Variants in RAPGEF4 observed in about 807,000 individuals in gnomAD.
RAPGEF4 encodes the protein RAP guanine-nucleotide-exchange factor (GEF) 4.
RAPGEF4 carries 66 observed loss-of-function variants against 147.9 expected under a neutral mutation model. That is an observed-to-expected ratio of 0.45 (90% CI 0.37 to 0.55). The LOEUF is 0.55. RAPGEF4 is among the 20% of genes least tolerant of loss of function. The pLI is 0.00. For synonymous variants in RAPGEF4, 419 were observed against 442.7 expected, an observed-to-expected ratio of 0.95 and a Z score of 0.67; for missense variants, 1,071 against 1,257.3, an observed-to-expected ratio of 0.85 and a Z score of 2.24.
chr2:172,867,617 C>A (rs1034371002), intron 4 of RAPGEF4, among the ~76,000 whole-genome samples: 1 of 152,166 alleles, frequency 6.6e-6, no homozygotes, highest in Non-Finnish European at 1.5e-5. Flanking sequence ...TTGGAAGACT[C>A]CATCTAATTT....
intron 6 of RAPGEF4, among the ~76,000 whole-genome samples, chr2:172,948,929 C>G (rs1225932773): frequency 6.6e-6 from 1 of 152,138 alleles, no homozygotes; most frequent in Non-Finnish European, 1.5e-5. Context: ...TATAACAAAC[C>G]TGCATATGTA....
chr2:172,951,417 G>T (rs969454793), intron 6 of RAPGEF4, among the ~76,000 whole-genome samples: 5 of 152,196 alleles, frequency 3.3e-5, no homozygotes, highest in African/African-American at 9.7e-5. Context: ...CCAAGAGCTG[G>T]GGTAGAACAG....
At chr2:172,857,685 C>A (rs961722874) in intron 4 of RAPGEF4, among the ~76,000 whole-genome samples, 1 of 151,672 alleles carries the variant, frequency 6.6e-6, no homozygotes, top group Non-Finnish European at 1.5e-5. Flanking sequence ...AGTTTGAGAC[C>A]AGCCTGCGAA....
At chr2:173,044,294 G>A (rs1685158206) in intron 29 of RAPGEF4, among the ~76,000 whole-genome samples, 1 of 151,716 alleles carries the variant, frequency 6.6e-6, no homozygotes, top group African/African-American at 2.4e-5. Flanking sequence ...GGTGAGTATT[G>A]TCTTATGCAA....
chr2:172,889,336 A>G (rs1697615823), intron 4 of RAPGEF4, among the ~76,000 whole-genome samples: 6 of 152,180 alleles, frequency 3.9e-5, no homozygotes, highest in Admixed American at 3.9e-4. Context: ...TTCATTGTTC[A>G]GGCTTTGACA....
intron 4 of RAPGEF4, among the ~76,000 whole-genome samples, chr2:172,818,776 G>T (rs193268967): frequency 2.2e-4 from 34 of 152,270 alleles, no homozygotes; most frequent in African/African-American, 7.9e-4. Flanking sequence ...TTACACTTGG[G>T]ACTGTAATGG....
chr2:172,796,638 C>T (rs753228770), intron 2 of RAPGEF4, among the ~76,000 whole-genome samples: 17 of 152,098 alleles, frequency 1.1e-4, no homozygotes, highest in Non-Finnish European at 1.8e-4. Context: ...CTGCCCACCT[C>T]AACCTCCTGA....
intron 17 of RAPGEF4, among the ~76,000 whole-genome samples, chr2:173,013,573 A>G (rs530509857): frequency 6.6e-6 from 1 of 152,342 alleles, no homozygotes; most frequent in South Asian, 2.1e-4. Context: ...TGTCTAACCT[A>G]AAATATTTCT....
At chr2:172,828,832 A>G (rs1689975342) in intron 4 of RAPGEF4, among the ~76,000 whole-genome samples, 1 of 152,200 alleles carries the variant, frequency 6.6e-6, no homozygotes, top group Admixed American at 6.5e-5. Context: ...GAATCATGGC[A>G]GCCCGTTCAC....
chr2:172,872,479 G>A lies in RAPGEF4; in HGVS notation c.445-45323G>A, dbSNP rs148886827. The stretch of plus-strand genomic sequence containing the variant: ...AGAGGATGAAAAGTTGAACAGTGAC[G>A]TGGTTTGGCCCTGTGTCCCCACCCA... On this transcript the variant is annotated intron_variant, in intron 4 of 30. Coordinates refer to ENST00000397081, the MANE Select transcript of RAPGEF4 (RefSeq NM_007023.4). 1.9e-4 allele frequency among the ~76,000 whole-genome samples: 29 copies of A among 152,238 alleles called. No homozygotes were observed. In the East Asian group the frequency reaches 2.3e-3, roughly 12 times the overall value.
intron 17 of RAPGEF4, among the ~76,000 whole-genome samples, chr2:173,011,721 A>C (rs1174637448): frequency 6.6e-6 from 1 of 152,196 alleles, no homozygotes; most frequent in Non-Finnish European, 1.5e-5. Context: ...TTAGTGAATC[A>C]ATTGGATCAA....
chr2:172,909,678 G>C (rs961345310), intron 4 of RAPGEF4, among the ~76,000 whole-genome samples: 1 of 152,196 alleles, frequency 6.6e-6, no homozygotes, highest in African/African-American at 2.4e-5. Context: ...AAGCTGACTT[G>C]TGCTGACTTA....
At chr2:173,026,223 G>T (rs554710445) in intron 23 of RAPGEF4, among the ~76,000 whole-genome samples, 1 of 152,284 alleles carries the variant, frequency 6.6e-6, no homozygotes, top group African/African-American at 2.4e-5. Flanking sequence ...GAGAAAAAAG[G>T]TCTCCCAGGA....
intron 16 of RAPGEF4, among the ~76,000 whole-genome samples, chr2:172,999,462 G>A (rs769775674): frequency 9.9e-5 from 15 of 152,126 alleles, no homozygotes; most frequent in Non-Finnish European, 2.9e-5. Flanking sequence ...CGTGAAAGTT[G>A]TTTACATCAT....
In RAPGEF4 at chr2:173,030,225, G is replaced by T; in HGVS notation, c.2620G>T (p.Ala874Ser). The T allele has an allele frequency of 6.2e-7, 1 of 1,613,538 alleles. No homozygotes were observed. Among genetic ancestry groups the T allele is most frequent in the Non-Finnish European group, 8.5e-7 (1 of 1,179,496 alleles). The change falls in exon 26 of 31, where the codon GCT becomes TCT. Residue 874 changes from alanine to serine, a missense_variant. Ala to Ser is a moderately conservative substitution (Grantham distance 99). Transcript: ENST00000397081. ...CATCGTCATGGGACTAAGTAACGTT[G>T]CTGTGAGCCGCTTGGCACTAACGTG... ...FAIVMGLSNV[A>S]VSRLALTWEK...
chr2:172,872,684 C>T (rs536560261), intron 4 of RAPGEF4, among the ~76,000 whole-genome samples: 4 of 152,208 alleles, frequency 2.6e-5, no homozygotes, highest in Admixed American at 1.3e-4. Flanking sequence ...CTTTCCTGCT[C>T]CACCATGGTA....
intron 19 of RAPGEF4, 151 bp downstream of exon 19, chr2:173,016,588 G>A (rs980585530): frequency 9.4e-6 from 6 of 635,018 alleles, no homozygotes; most frequent in South Asian, 1.9e-5. Context: ...AGGTGGTGCA[G>A]TAAGGCCAGA....
At chr2:172,987,062 C>G (rs1692338188) in intron 12 of RAPGEF4, among the ~76,000 whole-genome samples, 1 of 152,022 alleles carries the variant, frequency 6.6e-6, no homozygotes, top group African/African-American at 2.4e-5. Flanking sequence ...TCTGTAATCC[C>G]AACATTTTGG....
At chr2:172,979,892 G>C (rs1823153) in intron 10 of RAPGEF4, among the ~76,000 whole-genome samples, 143,532 of 152,048 alleles carry the variant, frequency 0.94, 68,309 homozygotes, top group East Asian at 1. Context: ...GTGGCATGTG[G>C]CTGTAATCCC....
Sources: allele counts gnomAD v4.1 joint callset (sites outside exome capture counted in the v4.1 genomes callset), GRCh38; gene constraint gnomAD v4.1.1; transcripts MANE v1.5; gene names NCBI Gene and HGNC (gene_info 2026-07-23, HGNC 2026-07-21).